ADGRA3: variants seen among roughly 807,000 people sequenced by gnomAD.
The protein encoded by ADGRA3 is G-protein coupled receptor 125.
ADGRA3 carries 56 observed loss-of-function variants against 119.8 expected under a neutral mutation model. That is an observed-to-expected ratio of 0.47 (90% CI 0.38 to 0.58). ADGRA3 has a LOEUF of 0.58. ADGRA3 is among the 20% of genes least tolerant of loss of function. ADGRA3 has a pLI of 0.00. For synonymous variants in ADGRA3, 607 were observed against 623.8 expected (o/e 0.97, Z 0.40); for missense variants, 1,516 against 1,649.0 (o/e 0.92, Z 1.40).
At chr4:22,399,835 CATCTT>C (rs1714538313) in intron 16 of ADGRA3, among the ~76,000 whole-genome samples, 1 of 152,066 alleles carries the variant, frequency 6.6e-6, no homozygotes, top group Admixed American at 6.6e-5. Flanking sequence ...ATTTAAAAAT[CATCTT>C]ATTGAGTTTC....
intron 10 of ADGRA3, among the ~76,000 whole-genome samples, chr4:22,434,915 G>C (rs1716331988): frequency 6.6e-6 from 1 of 152,154 alleles, no homozygotes; most frequent in Admixed American, 6.6e-5. Context: ...CAATTAAAAG[G>C]AATTTACTAC....
chr4:22,430,763 T>A (rs1716130675), intron 10 of ADGRA3, among the ~76,000 whole-genome samples: 1 of 151,970 alleles, frequency 6.6e-6, no homozygotes, highest in African/African-American at 2.4e-5. Flanking sequence ...GTGAAATGTC[T>A]CCAGGGCATG....
chr4:22,434,994 G>T (rs760315890), intron 10 of ADGRA3, among the ~76,000 whole-genome samples: 18 of 152,168 alleles, frequency 1.2e-4, no homozygotes, highest in Non-Finnish European at 2.4e-4. Context: ...GAGAAATCCA[G>T]CAGGCTGAGC....
chr4:22,437,151 C>A (rs1251046603), intron 8 of ADGRA3, among the ~76,000 whole-genome samples: 1 of 151,992 alleles, frequency 6.6e-6, no homozygotes, highest in South Asian at 2.1e-4. Flanking sequence ...TTGAATGTAA[C>A]AAAATTACCA....
At position 22,388,188 on chromosome 4, in the gene ADGRA3, C is replaced by G. The variant is rs776705989; in HGVS notation, c.3483G>C (p.Gln1161His). Residue 1161 changes from glutamine to histidine, a missense_variant, in exon 19 of 19, where the codon CAG (glutamine) becomes CAC (histidine). Physicochemically the swap from Gln to His is conservative, Grantham distance 24. This residue lies in a region of ADGRA3 where 1,088 missense variants were observed against 1,107.1 expected (regional missense o/e 0.98). Transcript: ENST00000334304. Reference sequence around the variant, plus strand: ...GGCTTGAGTGCACATTTGTTCGAAACTGAACTTCTAAAGGCGCCACGTGCA... The same window carrying G: ...GGCTTGAGTGCACATTTGTTCGAAAGTGAACTTCTAAAGGCGCCACGTGCA... ...IKMHVAPLEV[Q>H]FRTNVHSSRH... 1 of 1,614,096 alleles carries G rather than the reference C, an allele frequency of 6.2e-7. No individual in the cohort carries two copies.
chr4:22,504,239 GA>G lies in ADGRA3; in HGVS notation c.257+11288del, dbSNP rs150776262. ...ACTTCAGAAGGCAAAATAGGGGAAAGAAAAAAAAAGACAAAAAATGTAAGTT... is the reference window on the plus strand; with the variant it reads ...ACTTCAGAAGGCAAAATAGGGGAAAGAAAAAAAAGACAAAAAATGTAAGTT... On this transcript the variant is annotated intron_variant, in intron 1 of 18. Coordinates refer to ENST00000334304, the MANE Select transcript of ADGRA3 (RefSeq NM_145290.4). 7.8e-4 allele frequency among the ~76,000 whole-genome samples: 116 copies of G among 149,624 alleles called. 1 individual carries two copies. Among genetic ancestry groups the G allele is most frequent in the African/African-American group, 2.7e-3 (111 of 40,760 alleles).
chr4:22,439,452 T>A (rs1004260112), intron 7 of ADGRA3, among the ~76,000 whole-genome samples: 4 of 152,210 alleles, frequency 2.6e-5, no homozygotes, highest in Non-Finnish European at 5.9e-5. Context: ...TGCTGTTATG[T>A]AGACACAAAT....
intron 1 of ADGRA3, among the ~76,000 whole-genome samples, chr4:22,509,225 G>A (rs117084464): frequency 0.011 from 1,646 of 152,010 alleles, 23 homozygotes; most frequent in East Asian, 0.067. Context: ...GTTCACAGCC[G>A]GGAGTGGTGG....
At chr4:22,495,753 A>C (rs1718797888) in intron 1 of ADGRA3, among the ~76,000 whole-genome samples, 1 of 152,024 alleles carries the variant, frequency 6.6e-6, no homozygotes, top group South Asian at 2.1e-4. Context: ...CTAAAAATAC[A>C]AAAAAATTAG....
intron 14 of ADGRA3, among the ~76,000 whole-genome samples, chr4:22,412,512 G>T (rs1715247389): frequency 6.7e-6 from 1 of 149,494 alleles, no homozygotes; most frequent in South Asian, 2.1e-4. Flanking sequence ...TTTTGGATTA[G>T]GAATGATGAA....
chr4:22,442,814 T>C lies in ADGRA3; in HGVS notation c.756A>G (p.Gln252=), dbSNP rs752820884. Residue 252 remains glutamine (Q), a synonymous_variant, in exon 7 of 19, where the codon CAA becomes CAG. Transcript: ENST00000334304. ...PSFYMTPSHR[Q]VVFEGDSLPF... ...GAAGGCTGTCTCCTTCAAACACAAC[T>C]TGGCGATGAGATGGAGTCATGTAGA... The C allele has an allele frequency of 6.2e-7, 1 of 1,613,460 alleles. No individual in the cohort carries two copies. The highest frequency in any genetic ancestry group is 8.5e-7 in the Non-Finnish European group (1 of 1,179,586).
chr4:22,439,580 C>G (rs1716528535), intron 7 of ADGRA3, among the ~76,000 whole-genome samples: 1 of 152,058 alleles, frequency 6.6e-6, no homozygotes, highest in Non-Finnish European at 1.5e-5. Flanking sequence ...AGCAAATGTT[C>G]TAATAAAGGC....
intron 12 of ADGRA3, among the ~76,000 whole-genome samples, chr4:22,417,225 T>C (rs1715463146): frequency 1.3e-5 from 2 of 152,214 alleles, no homozygotes; most frequent in African/African-American, 2.4e-5. Context: ...CTGACTTTGT[T>C]TGCTAATTAA....
intron 1 of ADGRA3, among the ~76,000 whole-genome samples, chr4:22,506,188 A>C (rs1345614017): frequency 6.6e-6 from 1 of 152,132 alleles, no homozygotes; most frequent in Admixed American, 6.5e-5. Flanking sequence ...TCAATCTCTT[A>C]AACCTTCCAT....
chr4:22,504,120 T>A (rs542351161), intron 1 of ADGRA3, among the ~76,000 whole-genome samples: 2 of 152,208 alleles, frequency 1.3e-5, no homozygotes, highest in South Asian at 4.2e-4. Flanking sequence ...TCTGTGTGTG[T>A]GATACCCAAT....
At chr4:22,492,514 A>G (rs1213438679) in intron 1 of ADGRA3, among the ~76,000 whole-genome samples, 2 of 152,236 alleles carry the variant, frequency 1.3e-5, no homozygotes, top group Non-Finnish European at 2.9e-5. Flanking sequence ...CAAAATAAAG[A>G]GTCCTGCCCT....
At chr4:22,473,975 A>G in intron 1 of ADGRA3, 132 bp from the exon 2 acceptor site, 1 of 511,012 alleles carries the variant, frequency 2.0e-6, no homozygotes, top group Admixed American at 3.7e-5. Flanking sequence ...GAGATGGCTG[A>G]AAAAAAGTGA....
At chr4:22,461,867 C>T (rs919644385) in intron 2 of ADGRA3, 59 bp from the exon 3 acceptor site, 2 of 1,049,654 alleles carry the variant, frequency 1.9e-6, no homozygotes, top group Non-Finnish European at 2.9e-6. Flanking sequence ...TATTCAGGCA[C>T]AATACACTTA....
intron 14 of ADGRA3, among the ~76,000 whole-genome samples, chr4:22,412,293 C>T (rs952567660): frequency 5.9e-5 from 9 of 152,044 alleles, no homozygotes; most frequent in Non-Finnish European, 1.2e-4. Context: ...AAAATAAGAA[C>T]TAGCATGGTT....
Sources: gnomAD v4.1 joint callset for allele counts (sites outside exome capture counted in the v4.1 genomes callset) on GRCh38, gnomAD v4.1.1 for gene constraint, gnomAD v4.1.1 regional missense constraint, MANE v1.5 for transcripts, NCBI Gene and HGNC (gene_info 2026-07-23, HGNC 2026-07-21) for gene names.